The following KLF7 variants were observed in gnomAD, a reference collection of about 807,000 sequenced individuals.
KLF7 encodes the protein Krueppel-like factor 7.
KLF7 carries 2 observed loss-of-function variants against 27.3 expected under a neutral mutation model. The ratio of observed to expected loss-of-function variants is 0.07; its 90% CI spans 0.03 to 0.23. The LOEUF (loss-of-function observed/expected upper bound fraction) is 0.23. KLF7 is among the 10% of genes least tolerant of loss of function. The probability of loss-of-function intolerance (pLI) is 1.00; values close to 1 mark genes in which losing one functional copy is unlikely to be tolerated. For synonymous variants in KLF7, 165 were observed against 162.4 expected (o/e 1.02, Z -0.12); for missense variants, 221 against 394.1 (o/e 0.56, Z 3.72).
rs988877313 is a variant in KLF7, at chr2:207,079,921, A to T, written c.*1292T>A. On this transcript the variant is annotated 3_prime_UTR_variant, in exon 4 of 4. Coordinates refer to ENST00000309446, the MANE Select transcript of KLF7 (RefSeq NM_003709.4). ...CAGTGGGCATGACAGAGAAGACAGG[A>T]TGATCTTTTGTGAAGCCACTAGACT... 2 of 152,190 alleles carry T rather than the reference A, an allele frequency of 1.3e-5. No homozygotes were observed. The highest frequency in any genetic ancestry group is 2.9e-5 in the Non-Finnish European group (2 of 68,034). The allele number at this position is 152,190 out of a possible 1,614,324, so 9.4% of individuals were successfully genotyped here.
chr2:207,169,511 A>T (rs767098862), upstream of KLF7, among the ~76,000 whole-genome samples: 16 of 152,230 alleles, frequency 1.1e-4, no homozygotes, highest in Non-Finnish European at 1.5e-4. Context: ...TTTGAAAATA[A>T]AACTAAATGT....
the KLF7 span, chr2:207,173,592 C>T: frequency 6.6e-6 from 1 of 152,018 alleles, no homozygotes; most frequent in African/African-American, 2.4e-5. Context: ...TTTTAGAATT[C>T]TGTGGGCATA....
Position 207,078,093 on chromosome 2 carries a change from T to A in KLF7, c.*3120A>T, listed in dbSNP as rs532646676. ...GGCTCTTAGTAACCATCTCTGCCAC[T>A]GCAGAGGTGATGGACGTTTTATTAC... On this transcript the variant is annotated 3_prime_UTR_variant, in exon 4 of 4. Coordinates refer to ENST00000309446, the MANE Select transcript of KLF7 (RefSeq NM_003709.4). The A allele has an allele frequency of 6.6e-6, 1 of 152,250 alleles. No homozygotes were observed. The highest frequency in any genetic ancestry group is 1.5e-5 in the Non-Finnish European group (1 of 68,052). The allele number at this position is 152,250 out of a possible 1,614,324, so 9.4% of individuals were successfully genotyped here.
rs780903718 is a variant in KLF7, at chr2:207,165,947, T to C, written c.-379A>G. On this transcript the variant is annotated 5_prime_UTR_variant, in exon 1 of 4. Coordinates refer to ENST00000309446, the MANE Select transcript of KLF7 (RefSeq NM_003709.4). ...GCTGCCATCTATTTCTGCAGCGCTGTTCGCTCCTAATGCAATCTTTGCTCT... is the reference window on the plus strand; with the variant it reads ...GCTGCCATCTATTTCTGCAGCGCTGCTCGCTCCTAATGCAATCTTTGCTCT... 1.3e-5 allele frequency: 14 copies of C among 1,052,874 alleles called. No homozygotes were observed. The highest frequency in any genetic ancestry group is 1.5e-5 in the Non-Finnish European group (13 of 870,492). The allele number at this position is 1,052,874 out of a possible 1,614,324, so 65.2% of individuals were successfully genotyped here.
intron 1 of KLF7, among the ~76,000 whole-genome samples, chr2:207,139,844 A>C (rs2077891285): frequency 6.6e-6 from 1 of 152,202 alleles, no homozygotes; most frequent in African/African-American, 2.4e-5. Flanking sequence ...GTAGTCATTG[A>C]GAGGAAAACA....
chr2:207,107,119 A>G (rs531784116), intron 2 of KLF7, among the ~76,000 whole-genome samples: 13 of 152,196 alleles, frequency 8.5e-5, no homozygotes, highest in African/African-American at 2.9e-4. Context: ...GTAGGAAGGG[A>G]TATCGGGTGT....
chr2:207,095,554 G>C (rs1457665543), intron 2 of KLF7, among the ~76,000 whole-genome samples: 1 of 152,210 alleles, frequency 6.6e-6, no homozygotes, highest in Admixed American at 6.5e-5. Flanking sequence ...TTGTGTTTGT[G>C]TTCAATATAG....
chr2:207,088,478 G>A lies in KLF7; in HGVS notation c.837C>T (p.Phe279=). ...HYRKHTGAKP[F]KCNHCDRCFS... is the part of the protein sequence containing the mutation. ...TTTACCTGTCGCAGTGGTTGCATTT[G>A]AAGGGCTTTGCACCTGTGTGTTTCC... Residue 279 remains phenylalanine (F), a synonymous_variant, in exon 3 of 4, where the codon TTC becomes TTT. Coordinates refer to ENST00000309446, the MANE Select transcript of KLF7 (RefSeq NM_003709.4). The A allele has an allele frequency of 1.2e-6, 2 of 1,613,852 alleles. No individual in the cohort carries two copies. The highest frequency in any genetic ancestry group is 1.7e-6 in the Non-Finnish European group (2 of 1,179,786).
chr2:207,117,490 C>T (rs763403383), intron 2 of KLF7, among the ~76,000 whole-genome samples: 5 of 152,202 alleles, frequency 3.3e-5, no homozygotes, highest in Admixed American at 6.5e-5. Context: ...ATCCCATAAT[C>T]GGGGTTTAAT....
chr2:207,162,029 G>C (rs2078563375), intron 1 of KLF7, among the ~76,000 whole-genome samples: 1 of 152,174 alleles, frequency 6.6e-6, no homozygotes, highest in Non-Finnish European at 1.5e-5. Context: ...ATAAGACTTA[G>C]ATCATCACTG....
chr2:207,119,171 T>C (rs1016358149), intron 2 of KLF7, among the ~76,000 whole-genome samples: 1 of 152,224 alleles, frequency 6.6e-6, no homozygotes, highest in Admixed American at 6.5e-5. Context: ...TCAGAGAACA[T>C]GGCTTCTTCA....
chr2:207,160,100 A>C (rs1046271263), intron 1 of KLF7, among the ~76,000 whole-genome samples: 1 of 152,230 alleles, frequency 6.6e-6, no homozygotes, highest in Non-Finnish European at 1.5e-5. Flanking sequence ...TAACTTGTCA[A>C]TGTTACATGT....
chr2:207,114,721 G>C (rs1032641037), intron 2 of KLF7, among the ~76,000 whole-genome samples: 1 of 152,080 alleles, frequency 6.6e-6, no homozygotes, highest in Non-Finnish European at 1.5e-5. Flanking sequence ...AAATAGCAAG[G>C]TCTCCAGAGA....
At position 207,129,698 on chromosome 2, in the gene KLF7, C is replaced by T. The variant is rs574042529; in HGVS notation, c.103-5294G>A. 3.3e-5 allele frequency among the ~76,000 whole-genome samples: 5 copies of T among 152,220 alleles called. No individual in the cohort carries two copies. In the East Asian group the frequency reaches 9.7e-4, roughly 29 times the overall value. On this transcript the variant is annotated intron_variant, in intron 1 of 3. Transcript: ENST00000309446. ...ACTTTAAACCTATTACTGCCTACTA[C>T]ATCTATGATAATTTTCCTACAAGGA... is the stretch of plus-strand genomic sequence containing the variant.
At chr2:207,121,716 G>A (rs932035055) in intron 2 of KLF7, 5 of 152,284 alleles carry the variant, frequency 3.3e-5, no homozygotes, top group African/African-American at 4.8e-5. Context: ...GTAACATAAT[G>A]AGCTCCACCT....
intron 2 of KLF7, among the ~76,000 whole-genome samples, chr2:207,112,291 G>C (rs566904753): frequency 1.3e-5 from 2 of 151,796 alleles, no homozygotes; most frequent in Non-Finnish European, 2.9e-5. Flanking sequence ...CACTACTAAC[G>C]GCTAGCTGGT....
chr2:207,162,243 T>C (rs2078570973), intron 1 of KLF7, among the ~76,000 whole-genome samples: 2 of 152,234 alleles, frequency 1.3e-5, no homozygotes, highest in South Asian at 4.1e-4. Flanking sequence ...AATCAAGTGG[T>C]ACCCCATAAG....
At chr2:207,166,520 C>T (rs2078716801), upstream of KLF7, 1 of 133,788 alleles carries the variant, frequency 7.5e-6, no homozygotes, top group African/African-American at 3.1e-5. Context: ...CGTCCGGAGC[C>T]CGCGCCCCTC....
chr2:207,117,921 G>T (rs1288099881), intron 2 of KLF7, among the ~76,000 whole-genome samples: 1 of 152,074 alleles, frequency 6.6e-6, no homozygotes, highest in African/African-American at 2.4e-5. Context: ...CTTCCCAAAT[G>T]GACCACCCTG....
Sources: gnomAD v4.1 joint callset for allele counts (sites outside exome capture counted in the v4.1 genomes callset) on GRCh38, gnomAD v4.1.1 for gene constraint, MANE v1.5 for transcripts, NCBI Gene and HGNC (gene_info 2026-07-23, HGNC 2026-07-21) for gene names.